The following QTMAN variants were observed in gnomAD, a reference collection of about 807,000 sequenced individuals.
QTMAN encodes queuosine-tRNA mannosyltransferase.
the QTMAN span, among the ~76,000 whole-genome samples, chr2:144,217,875 A>C: frequency 6.6e-6 from 1 of 152,226 alleles, no homozygotes; most frequent in Non-Finnish European, 1.5e-5. Flanking sequence ...AGCAAAGTCA[A>C]GGTTCTCTTG....
At chr2:144,192,807 G>A in the QTMAN span, among the ~76,000 whole-genome samples, 10 of 152,152 alleles carry the variant, frequency 6.6e-5, no homozygotes, top group Non-Finnish European at 1.5e-4. Flanking sequence ...AATTTCTCTT[G>A]TGAACAAGAA....
At chr2:144,322,740 T>C in the QTMAN span, among the ~76,000 whole-genome samples, 50 of 152,222 alleles carry the variant, frequency 3.3e-4, no homozygotes, top group Non-Finnish European at 6.0e-4. Flanking sequence ...AGTCGAAATA[T>C]GGAATCTCAT....
At chr2:144,191,684 C>T in the QTMAN span, among the ~76,000 whole-genome samples, 9 of 152,188 alleles carry the variant, frequency 5.9e-5, no homozygotes, top group South Asian at 4.1e-4. Context: ...TCTGCCCTCA[C>T]GGAACTTAGA....
At chr2:144,275,359 G>A in the QTMAN span, among the ~76,000 whole-genome samples, 3 of 151,694 alleles carry the variant, frequency 2.0e-5, no homozygotes, top group South Asian at 6.3e-4. Flanking sequence ...ACTCCAGCCT[G>A]GGCAACAGAG....
chr2:143,981,945 T>C, the QTMAN span, among the ~76,000 whole-genome samples: 2 of 152,288 alleles, frequency 1.3e-5, no homozygotes, highest in East Asian at 1.9e-4. Context: ...TTTCATGATA[T>C]CAAAAAGAAA....
the QTMAN span, among the ~76,000 whole-genome samples, chr2:144,079,013 G>A: frequency 6.6e-6 from 1 of 152,106 alleles, no homozygotes; most frequent in Non-Finnish European, 1.5e-5. Context: ...CCAAAGTACT[G>A]TACTGCTATC....
chr2:144,133,493 A>T, the QTMAN span, among the ~76,000 whole-genome samples: 1 of 87,074 alleles, frequency 1.1e-5, no homozygotes, highest in Non-Finnish European at 2.1e-5. Context: ...TAAAATATAT[A>T]TTATATAATA....
chr2:144,256,229 A>T, the QTMAN span, among the ~76,000 whole-genome samples: 1 of 152,194 alleles, frequency 6.6e-6, no homozygotes, highest in African/African-American at 2.4e-5. Context: ...GAGAAATTCG[A>T]CAGGCTTCCC....
the QTMAN span, among the ~76,000 whole-genome samples, chr2:144,270,658 T>TG: frequency 1.2e-4 from 5 of 41,030 alleles, no homozygotes; most frequent in Non-Finnish European, 2.0e-4. Context: ...CTGCCGGGGG[T>TG]GGGGGGGCAA....
At chr2:144,153,469 G>A in the QTMAN span, among the ~76,000 whole-genome samples, 17 of 152,148 alleles carry the variant, frequency 1.1e-4, no homozygotes, top group African/African-American at 3.1e-4. Context: ...CAGCACTCTG[G>A]GAGGCTGAGG....
the QTMAN span, among the ~76,000 whole-genome samples, chr2:144,270,548 A>G: frequency 6.6e-6 from 1 of 152,136 alleles, no homozygotes; most frequent in African/African-American, 2.4e-5. Context: ...GCAAACTAAC[A>G]CAGGAACAGA....
At chr2:144,035,693 TA>T in the QTMAN span, among the ~76,000 whole-genome samples, 2 of 152,178 alleles carry the variant, frequency 1.3e-5, no homozygotes, top group African/African-American at 4.8e-5. Context: ...AGTCAAATAA[TA>T]ATGGTGTAAG....
the QTMAN span, among the ~76,000 whole-genome samples, chr2:144,165,855 A>C: frequency 6.6e-6 from 1 of 152,162 alleles, no homozygotes; most frequent in African/African-American, 2.4e-5. Context: ...AATATTTCTC[A>C]AATATGTCCC....
At chr2:144,037,828 T>C in the QTMAN span, among the ~76,000 whole-genome samples, 2 of 152,198 alleles carry the variant, frequency 1.3e-5, no homozygotes, top group African/African-American at 4.8e-5. Context: ...AAAAAGCTCC[T>C]CATAACAACT....
At chr2:144,313,197 C>T in the QTMAN span, among the ~76,000 whole-genome samples, 3 of 152,310 alleles carry the variant, frequency 2.0e-5, no homozygotes, top group East Asian at 5.8e-4. Flanking sequence ...ACAGCTCCAT[C>T]GGAATGACAC....
chr2:144,230,217 T>C, the QTMAN span: 1 of 152,128 alleles, frequency 6.6e-6, no homozygotes, highest in South Asian at 2.1e-4. Flanking sequence ...ACAGACAGCG[T>C]ACAAAAGGCT....
the QTMAN span, among the ~76,000 whole-genome samples, chr2:144,278,231 C>T: frequency 2.0e-5 from 3 of 152,272 alleles, no homozygotes; most frequent in Non-Finnish European, 2.9e-5. Context: ...TTTGCTTTTG[C>T]TCCCTCAAAG....
At chr2:144,189,620 C>CT in the QTMAN span, among the ~76,000 whole-genome samples, 110 of 149,556 alleles carry the variant, frequency 7.4e-4, no homozygotes, top group South Asian at 1.5e-3. Flanking sequence ...TTTTCTTTTT[C>CT]TTTTTTTTTT....
chr2:144,095,378 T>C, the QTMAN span, among the ~76,000 whole-genome samples: 11 of 152,160 alleles, frequency 7.2e-5, no homozygotes, highest in African/African-American at 2.7e-4. Context: ...CACATACTTA[T>C]TTGCACACCT....
Sources: allele counts gnomAD v4.1 joint callset (sites outside exome capture counted in the v4.1 genomes callset), GRCh38; gene constraint gnomAD v4.1.1; transcripts MANE v1.5; gene names NCBI Gene and HGNC (gene_info 2026-07-23, HGNC 2026-07-21).